Variants in MFSD6 observed in about 807,000 individuals in gnomAD.
The protein encoded by MFSD6 is major facilitator superfamily domain-containing protein 6.
Under a neutral mutation model 56.3 loss-of-function variants are expected in MFSD6, and 26 were observed. The ratio of observed to expected loss-of-function variants is 0.46; its 90% confidence interval spans 0.34 to 0.64. MFSD6 has a LOEUF of 0.64. MFSD6 is among the 30% of genes least tolerant of loss of function. The pLI is 0.01. For missense variants in MFSD6, 750 were observed against 986.2 expected, an observed-to-expected ratio of 0.76 and a Z score of 3.21; for synonymous variants, 331 against 366.9, an observed-to-expected ratio of 0.90 and a Z score of 1.12.
Position 190,487,093 on chromosome 2 carries a change from A to G in MFSD6, c.1631-1564A>G, listed in dbSNP as rs919645251. On this transcript the variant is annotated intron_variant, in intron 4 of 7. Coordinates refer to ENST00000392328, the MANE Select transcript of MFSD6 (RefSeq NM_017694.4). The surrounding 1 kb of genome is among the most constrained non-coding windows in gnomAD (Gnocchi z 5.5). ...CTGGGTGCAGTGGCTCACTAATCCCAGCACTTTGAGAGGCTGAGGCAGGTG... is the reference window on the plus strand; with the variant it reads ...CTGGGTGCAGTGGCTCACTAATCCCGGCACTTTGAGAGGCTGAGGCAGGTG... Among the ~76,000 whole-genome samples, 2 of 152,200 alleles carry G rather than the reference A, an allele frequency of 1.3e-5. No individual in the cohort carries two copies. The highest frequency in any genetic ancestry group is 4.8e-5 in the African/African-American group (2 of 41,440).
intron 4 of MFSD6, among the ~76,000 whole-genome samples, chr2:190,486,615 T>C (rs1312528800): frequency 6.6e-6 from 1 of 152,250 alleles, no homozygotes; most frequent in Non-Finnish European, 1.5e-5. Flanking sequence ...CTGTCTCATA[T>C]GTTTTGTCCG....
rs763234428 is a variant in MFSD6, at chr2:190,488,537, T to A, written c.1631-120T>A. 6 of 935,490 alleles carry A rather than the reference T, an allele frequency of 6.4e-6. No homozygotes were observed. The highest frequency in any genetic ancestry group is 3.4e-5 in the African/African-American group (2 of 58,670). The allele number at this position is 935,490 out of a possible 1,614,324, so 57.9% of individuals were successfully genotyped here. A position where few individuals can be genotyped will look rare whatever the true frequency, so the allele number is the denominator to read the frequency against. On this transcript the variant is annotated intron_variant, in intron 4 of 7. Transcript: ENST00000392328. This position sits in a 1 kb window ranked among gnomAD's most constrained non-coding sequence, Gnocchi z 6.4. ...AAATGTGAAAATGGTAAATTTTTAA[T>A]GTATGTTTTCCCACAACAAATCTTA...
rs1687428632 is a variant in MFSD6 at position 190,463,378 on chromosome 2, A to T, written c.1533-6380A>T. Among the ~76,000 whole-genome samples the T allele has an allele frequency of 6.6e-6, 1 of 152,184 alleles. No individual in the cohort carries two copies. Among genetic ancestry groups the T allele is most frequent in the Admixed American group, 6.5e-5 (1 of 15,268 alleles). The stretch of plus-strand genomic sequence containing the variant: ...GTAGAAATAAGCTTCATTCCTGGGG[A>T]GGAGGGCACATCAAGTGCTTGTGCT... On this transcript the variant is annotated intron_variant, in intron 3 of 7. Transcript: ENST00000392328. The surrounding 1 kb of genome is among the most constrained non-coding windows in gnomAD (Gnocchi z 4.4).
chr2:190,496,932 G>T lies in MFSD6; in HGVS notation c.1892-507G>T, dbSNP rs1251702071. Among the ~76,000 whole-genome samples the T allele has an allele frequency of 6.6e-6, 1 of 152,000 alleles. No homozygotes were observed. The highest frequency in any genetic ancestry group is 6.6e-5 in the Admixed American group (1 of 15,258). On this transcript the variant is annotated intron_variant, in intron 6 of 7. Coordinates refer to ENST00000392328, the MANE Select transcript of MFSD6 (RefSeq NM_017694.4). The surrounding 1 kb of genome is among the most constrained non-coding windows in gnomAD (Gnocchi z 4.7). ...GGGGAAAGGGTGGGAAAGGGGTGAG[G>T]GATACAAGACTACAAATTGGGTTCA...
chr2:190,474,294 A>T (rs1166968524), intron 4 of MFSD6, among the ~76,000 whole-genome samples: 1 of 152,186 alleles, frequency 6.6e-6, no homozygotes, highest in African/African-American at 2.4e-5. Flanking sequence ...TTTTGAAAAG[A>T]TCAACAAAAT....
chr2:190,472,432 T>C (rs1688002760), intron 4 of MFSD6, among the ~76,000 whole-genome samples: 1 of 152,028 alleles, frequency 6.6e-6, no homozygotes, highest in Admixed American at 6.5e-5. Flanking sequence ...GAGAAATAGG[T>C]GACAAATGCA....
At position 190,437,081 on chromosome 2, in the gene MFSD6, T is replaced by A; in HGVS notation, c.1052T>A (p.Ile351Asn). The A allele has an allele frequency of 6.2e-7, 1 of 1,614,194 alleles. No homozygotes were observed. The highest frequency in any genetic ancestry group is 8.5e-7 in the Non-Finnish European group (1 of 1,180,040). ...GGCATCGGGATCGACTACACCCACA[T>A]CGAAGTGCTCATCGATGGAAAGGGG... ...SVGIGIDYTH[I>N]EVLIDGKGCK... The change falls in exon 3 of 8, where the codon ATC becomes AAC. Residue 351 changes from isoleucine (I) to asparagine (N), a missense_variant. Coordinates refer to ENST00000392328, the MANE Select transcript of MFSD6 (RefSeq NM_017694.4). This position sits in a 1 kb window ranked among gnomAD's most constrained non-coding sequence, Gnocchi z 5.9.
rs548616364 is a variant in MFSD6, at chr2:190,426,454, C to T, written c.-53-9523C>T. Among the ~76,000 whole-genome samples the T allele has an allele frequency of 6.6e-6, 1 of 152,104 alleles. No individual in the cohort carries two copies. Among genetic ancestry groups the T allele is most frequent in the African/African-American group, 2.4e-5 (1 of 41,514 alleles). On this transcript the variant is annotated intron_variant, in intron 2 of 7. Coordinates refer to ENST00000392328, the MANE Select transcript of MFSD6 (RefSeq NM_017694.4). This position sits in a 1 kb window ranked among gnomAD's most constrained non-coding sequence, Gnocchi z 4.7. ...TTTGTTTCAAGCATGTTTATAATTG[C>T]CTATCTAAGCATTTTTAGGATGGCT...
chr2:190,501,971 C>T lies in MFSD6; in HGVS notation c.*1753C>T, dbSNP rs1690043319. The T allele has an allele frequency of 6.5e-6, 1 of 152,746 alleles. No individual in the cohort carries two copies. Among genetic ancestry groups the T allele is most frequent in the South Asian group, 2.1e-4 (1 of 4,824 alleles). The allele number at this position is 152,746 out of a possible 1,614,324, so 9.5% of individuals were successfully genotyped here. A position where few individuals can be genotyped will look rare whatever the true frequency, so the allele number is the denominator to read the frequency against. ...GAAACTGACTGTAGGAAGTCAAAAACTTGTACTGTATCTTGTGTTTACAGT... is the reference window on the plus strand; with the variant it reads ...GAAACTGACTGTAGGAAGTCAAAAATTTGTACTGTATCTTGTGTTTACAGT... On this transcript the variant is annotated 3_prime_UTR_variant, in exon 8 of 8. Coordinates refer to ENST00000392328, the MANE Select transcript of MFSD6 (RefSeq NM_017694.4).
rs149754992 is a variant in MFSD6, at chr2:190,495,426, A to C, written c.1892-2013A>C. On this transcript the variant is annotated intron_variant, in intron 6 of 7. Coordinates refer to ENST00000392328, the MANE Select transcript of MFSD6 (RefSeq NM_017694.4). This position sits in a 1 kb window ranked among gnomAD's most constrained non-coding sequence, Gnocchi z 4.7. ...ATTGTGAAAATGACCATACTGCTAA[A>C]AGCAATCTACAAATTCAATGCAATT... 1.4e-3 allele frequency among the ~76,000 whole-genome samples: 213 copies of C among 152,318 alleles called. 3 individuals carry two copies. In the East Asian group the frequency reaches 0.038, roughly 27 times the overall value.
chr2:190,411,724 C>A (rs773914777), intron 1 of MFSD6: 10 of 985,238 alleles, frequency 1.0e-5, no homozygotes, highest in Non-Finnish European at 8.4e-6. Context: ...AGGTGGCATA[C>A]TGAGAATTGG....
chr2:190,446,773 A>T (rs928725606), intron 3 of MFSD6, among the ~76,000 whole-genome samples: 4 of 152,204 alleles, frequency 2.6e-5, no homozygotes, highest in Non-Finnish European at 5.9e-5. Context: ...ACAAGAGATG[A>T]ATACTCGGTT....
chr2:190,437,542 G>T lies in MFSD6; in HGVS notation c.1513G>T (p.Glu505Ter). 6.2e-7 allele frequency: 1 copy of T among 1,613,554 alleles called. No individual in the cohort carries two copies. Among genetic ancestry groups the T allele is most frequent in the South Asian group, 1.1e-5 (1 of 91,060 alleles). Residue 505 changes from glutamate to a stop codon, truncating the protein, a stop_gained, in exon 3 of 8, where the codon GAA (glutamate) becomes TAA (stop). Transcript: ENST00000392328. LOFTEE classifies it high-confidence loss of function. This position sits in a 1 kb window ranked among gnomAD's most constrained non-coding sequence, Gnocchi z 5.9. ...ATATTTTTTTAGTCACAAGCTTATTGAATTGATCGGCCACATCAGGTAAGA... is the reference window on the plus strand; with the variant it reads ...ATATTTTTTTAGTCACAAGCTTATTTAATTGATCGGCCACATCAGGTAAGA... ...TAYFFSHKLI[E>*]LIGHIRVLYI...
rs1181803711 is a variant in MFSD6 at position 190,458,580 on chromosome 2, C to G, written c.1533-11178C>G. Among the ~76,000 whole-genome samples, 1 of 152,140 alleles carries G rather than the reference C, an allele frequency of 6.6e-6. No individual in the cohort carries two copies. Among genetic ancestry groups the G allele is most frequent in the Non-Finnish European group, 1.5e-5 (1 of 68,028 alleles). ...ACAGTCCTGTAGGCCTAGCTTCACC[C>G]CAGTTTTAGATTCCCTTCCCCCCGA... On this transcript the variant is annotated intron_variant, in intron 3 of 7. Transcript: ENST00000392328. This position sits in a 1 kb window ranked among gnomAD's most constrained non-coding sequence, Gnocchi z 5.3.
chr2:190,454,694 T>C lies in MFSD6; in HGVS notation c.1533-15064T>C, dbSNP rs919861516. On this transcript the variant is annotated intron_variant, in intron 3 of 7. Transcript: ENST00000392328. The surrounding 1 kb of genome is among the most constrained non-coding windows in gnomAD (Gnocchi z 4.6). ...CAGAACTATAAGAAATAAATGTCTA[T>C]TGCTTAACCCACCAGTTTATGGCAT... Among the ~76,000 whole-genome samples, 4 of 152,090 alleles carry C rather than the reference T, an allele frequency of 2.6e-5. No individual in the cohort carries two copies. The highest frequency in any genetic ancestry group is 9.7e-5 in the African/African-American group (4 of 41,394).
Position 190,492,982 on chromosome 2 carries a change from G to T in MFSD6, c.1891+3116G>T, listed in dbSNP as rs1559143321. On this transcript the variant is annotated intron_variant, in intron 6 of 7. Coordinates refer to ENST00000392328, the MANE Select transcript of MFSD6 (RefSeq NM_017694.4). This position sits in a 1 kb window ranked among gnomAD's most constrained non-coding sequence, Gnocchi z 5.2. ...AAAATACAATTAAAAAAAAAAGCAA[G>T]GTATATAGGCAACAAATAACACAAT... 6.6e-6 allele frequency among the ~76,000 whole-genome samples: 1 copy of T among 151,578 alleles called. No homozygotes were observed. The highest frequency in any genetic ancestry group is 1.5e-5 in the Non-Finnish European group (1 of 67,886).
rs1315689972 is a variant in MFSD6 at position 190,467,638 on chromosome 2, G to A, written c.1533-2120G>A. On this transcript the variant is annotated intron_variant, in intron 3 of 7. Transcript: ENST00000392328. The surrounding 1 kb of genome is among the most constrained non-coding windows in gnomAD (Gnocchi z 5.5). ...AAAAAAAGAAAAAGAATTAAGGAGC[G>A]AGGCCAGGTCAGTGGCAAGCTGTGG... 2.0e-5 allele frequency among the ~76,000 whole-genome samples: 3 copies of A among 152,064 alleles called. No homozygotes were observed. The highest frequency in any genetic ancestry group is 7.2e-5 in the African/African-American group (3 of 41,500).
rs1689991647 is a variant in MFSD6, at chr2:190,500,860, C to A, written c.*642C>A. ...TGTATGGCATATAATGGAAATAATT[C>A]TTTGAGCAACAGAAGCTATTATTAA... On this transcript the variant is annotated 3_prime_UTR_variant, in exon 8 of 8. Transcript: ENST00000392328. This position sits in a 1 kb window ranked among gnomAD's most constrained non-coding sequence, Gnocchi z 5.3. 6.6e-6 allele frequency: 1 copy of A among 152,094 alleles called. No homozygotes were observed. The highest frequency in any genetic ancestry group is 1.5e-5 in the Non-Finnish European group (1 of 68,020). The allele number at this position is 152,094 out of a possible 1,614,324, so 9.4% of individuals were successfully genotyped here.
In MFSD6 at chr2:190,410,916, C is replaced by G. The variant is rs141623726; in HGVS notation, c.-176+2413C>G. Among the ~76,000 whole-genome samples, 2 of 151,618 alleles carry G rather than the reference C, an allele frequency of 1.3e-5. No homozygotes were observed. Among genetic ancestry groups the G allele is most frequent in the African/African-American group, 4.8e-5 (2 of 41,296 alleles). The stretch of plus-strand genomic sequence containing the variant: ...AATAAAAATACAAAAATTAGCTGAG[C>G]GTGGTGGCGGGCGCCTGGAATCCCA... On this transcript the variant is annotated intron_variant, in intron 1 of 7. Transcript: ENST00000392328. The surrounding 1 kb of genome is among the most constrained non-coding windows in gnomAD (Gnocchi z 4.4).
Sources: allele counts gnomAD v4.1 joint callset (sites outside exome capture counted in the v4.1 genomes callset), GRCh38; gene constraint gnomAD v4.1.1; non-coding constraint Gnocchi (gnomAD v3.1); transcripts MANE v1.5; gene names NCBI Gene and HGNC (gene_info 2026-07-23, HGNC 2026-07-21).